TOX: variants seen among roughly 807,000 people sequenced by gnomAD.
TOX encodes thymocyte selection associated high mobility group box.
A neutral mutation model predicts 53.7 loss-of-function variants in TOX; 11 were observed. The observed-to-expected ratio is 0.20, with a 90% CI of 0.13 to 0.34. The LOEUF is 0.34. Ranked by LOEUF, TOX falls within the 10% of genes least tolerant of loss-of-function variation. The pLI is 1.00. For missense variants in TOX, 570 were observed against 664.6 expected (o/e 0.86, Z 1.56); for synonymous variants, 225 against 245.3 (o/e 0.92, Z 0.77).
At chr8:58,880,384 G>T (rs1811363223) in intron 3 of TOX, among the ~76,000 whole-genome samples, 1 of 152,150 alleles carries the variant, frequency 6.6e-6, no homozygotes, top group Admixed American at 6.5e-5. Context: ...AATAATACAT[G>T]CAAAATATCT....
chr8:58,838,797 G>A (rs530993301), intron 4 of TOX, among the ~76,000 whole-genome samples: 1 of 145,220 alleles, frequency 6.9e-6, no homozygotes, highest in African/African-American at 2.6e-5. Flanking sequence ...TGCCTCCCGA[G>A]TTCAAGCAAT....
chr8:59,090,150 A>G (rs1233070471), intron 1 of TOX, among the ~76,000 whole-genome samples: 1 of 152,230 alleles, frequency 6.6e-6, no homozygotes, highest in Admixed American at 6.5e-5. Context: ...ATATGTAACG[A>G]GTTTCTAAGA....
chr8:58,848,133 G>T (rs1034990720), intron 4 of TOX, among the ~76,000 whole-genome samples: 1 of 151,974 alleles, frequency 6.6e-6, no homozygotes, highest in African/African-American at 2.4e-5. Flanking sequence ...TAAATTGAAC[G>T]GAAGGTGTAT....
chr8:58,986,564 T>C (rs1813331963), intron 1 of TOX, among the ~76,000 whole-genome samples: 1 of 152,202 alleles, frequency 6.6e-6, no homozygotes, highest in Non-Finnish European at 1.5e-5. Flanking sequence ...TTCTTACTGT[T>C]AAACCCAGAC....
chr8:59,035,326 A>G (rs1239573445), intron 1 of TOX, among the ~76,000 whole-genome samples: 1 of 152,216 alleles, frequency 6.6e-6, no homozygotes, highest in East Asian at 1.9e-4. Context: ...AGTTATGGTG[A>G]CTACAGCAAA....
chr8:58,826,376 G>A lies in TOX; in HGVS notation c.1005+446C>T, dbSNP rs928746377. 2.0e-5 allele frequency among the ~76,000 whole-genome samples: 3 copies of A among 152,278 alleles called. No homozygotes were observed. The East Asian group carries it at 5.8e-4, about 29-fold the overall frequency. ...CTAGATCACTAAATATTTTTAAGCG[G>A]TGTTTTTATTTTCAAACAAAATGAT... On this transcript the variant is annotated intron_variant, in intron 6 of 8. Transcript: ENST00000361421.
rs148330196 is a variant in TOX, at chr8:59,053,539, G to A, written c.102+65347C>T. On this transcript the variant is annotated intron_variant, in intron 1 of 8. Coordinates refer to ENST00000361421, the MANE Select transcript of TOX (RefSeq NM_014729.3). ...ATTCAGTTGTCTTTTATCCAGAAAC[G>A]TAGTCTTTATAACATGTTCTGTTCT... Among the ~76,000 whole-genome samples the A allele has an allele frequency of 1.4e-3, 215 of 152,276 alleles. 1 individual carries two copies. Among genetic ancestry groups the A allele is most frequent in the African/African-American group, 5.1e-3 (210 of 41,548 alleles).
At chr8:58,934,464 A>C (rs1812312197) in intron 3 of TOX, among the ~76,000 whole-genome samples, 1 of 152,204 alleles carries the variant, frequency 6.6e-6, no homozygotes, top group Non-Finnish European at 1.5e-5. Flanking sequence ...GATATTAGCT[A>C]CTTTAATACT....
chr8:59,063,210 C>G (rs1322165694), intron 1 of TOX, among the ~76,000 whole-genome samples: 1 of 152,082 alleles, frequency 6.6e-6, no homozygotes, highest in Non-Finnish European at 1.5e-5. Flanking sequence ...ATTGCAACTA[C>G]CAATACTGTG....
chr8:58,891,948 C>T (rs1318021144), intron 3 of TOX, among the ~76,000 whole-genome samples: 1 of 152,138 alleles, frequency 6.6e-6, no homozygotes, highest in Non-Finnish European at 1.5e-5. Context: ...ACTCGCATCA[C>T]CCGGTTTCTA....
intron 1 of TOX, among the ~76,000 whole-genome samples, chr8:59,108,485 G>C (rs967772408): frequency 6.6e-6 from 1 of 152,080 alleles, no homozygotes; most frequent in African/African-American, 2.4e-5. Flanking sequence ...TTTATTGTAG[G>C]CATTATATAT....
chr8:59,068,000 T>C (rs1009339990), intron 1 of TOX, among the ~76,000 whole-genome samples: 1 of 152,198 alleles, frequency 6.6e-6, no homozygotes, highest in Non-Finnish European at 1.5e-5. Context: ...ATAAAGTAAC[T>C]TGTGAATATT....
At chr8:58,985,041 AC>A (rs1368298157) in intron 1 of TOX, among the ~76,000 whole-genome samples, 1 of 150,106 alleles carries the variant, frequency 6.7e-6, no homozygotes, top group Non-Finnish European at 1.5e-5. Flanking sequence ...TTGACTATGG[AC>A]ATCTATATAT....
chr8:59,037,201 G>T (rs1803481808), intron 1 of TOX, among the ~76,000 whole-genome samples: 1 of 142,672 alleles, frequency 7.0e-6, no homozygotes. Context: ...TCTTTATCTT[G>T]GCCCTCTCTG....
intron 2 of TOX, among the ~76,000 whole-genome samples, chr8:58,947,031 G>C (rs1812533399): frequency 6.6e-6 from 1 of 152,068 alleles, no homozygotes; most frequent in South Asian, 2.1e-4. Context: ...TGTGTTGTCA[G>C]TCATAAACCT....
chr8:59,016,498 C>T lies in TOX; in HGVS notation c.103-56490G>A, dbSNP rs1047318871. On this transcript the variant is annotated intron_variant, in intron 1 of 8. Transcript: ENST00000361421. The stretch of plus-strand genomic sequence containing the variant: ...ACCACTACTGCTAACTATGGCTCAA[C>T]TAAAAATGAATGTCAGTAAATGATT... 2.0e-5 allele frequency among the ~76,000 whole-genome samples: 3 copies of T among 152,108 alleles called. No homozygotes were observed. In the South Asian group the frequency reaches 6.2e-4, roughly 31 times the overall value.
intron 3 of TOX, among the ~76,000 whole-genome samples, chr8:58,927,195 T>C (rs1465421830): frequency 6.6e-6 from 1 of 152,206 alleles, no homozygotes; most frequent in African/African-American, 2.4e-5. Flanking sequence ...CTTTTATTAT[T>C]TCAGCAATGT....
chr8:59,082,137 T>C (rs1476309628), intron 1 of TOX, among the ~76,000 whole-genome samples: 1 of 152,246 alleles, frequency 6.6e-6, no homozygotes, highest in Non-Finnish European at 1.5e-5. Context: ...GATCTTTGCA[T>C]TGTAGTTCAA....
At chr8:58,955,253 C>T (rs1812690749) in intron 2 of TOX, among the ~76,000 whole-genome samples, 1 of 151,976 alleles carries the variant, frequency 6.6e-6, no homozygotes, top group Non-Finnish European at 1.5e-5. Context: ...ATCTCAGAAT[C>T]CTCTAAAATA....
Sources: allele counts gnomAD v4.1 joint callset (sites outside exome capture counted in the v4.1 genomes callset), GRCh38; gene constraint gnomAD v4.1.1; transcripts MANE v1.5; gene names NCBI Gene and HGNC (gene_info 2026-07-23, HGNC 2026-07-21).